Variants in SPOP observed in about 807,000 individuals in gnomAD.
The protein encoded by SPOP is speckle-type POZ protein.
In SPOP, 11 loss-of-function variants were observed where a neutral mutation model predicts 45.6. That is an observed-to-expected ratio of 0.24 (90% confidence interval 0.15 to 0.40). SPOP has a LOEUF of 0.40. Among genes scored for constraint, SPOP ranks in the 10% least tolerant of loss-of-function variants. SPOP has a pLI of 1.00. For missense variants in SPOP, 152 were observed against 465.6 expected (o/e 0.33, Z 6.20); for synonymous variants, 166 against 166.3 (o/e 1.00, Z 0.01).
intron 1 of SPOP, among the ~76,000 whole-genome samples, chr17:49,650,788 A>C (rs1335142990): frequency 2.0e-5 from 3 of 152,072 alleles, no homozygotes; most frequent in South Asian, 2.1e-4. Context: ...AGTTCTAAAT[A>C]CTCTTTGTGG....
intron 6 of SPOP, among the ~76,000 whole-genome samples, chr17:49,609,140 C>T (rs2071914652): frequency 6.6e-6 from 1 of 152,202 alleles, no homozygotes; most frequent in South Asian, 2.1e-4. Context: ...AACTCCTGAC[C>T]TCAAGTCATC....
chr17:49,606,257 G>A (rs968260006), intron 8 of SPOP, among the ~76,000 whole-genome samples: 1 of 152,000 alleles, frequency 6.6e-6, no homozygotes, highest in South Asian at 2.1e-4. Flanking sequence ...GGGCTCAAGT[G>A]ATCCTCCCAC....
At chr17:49,628,723 C>T (rs778611501) in intron 1 of SPOP, among the ~76,000 whole-genome samples, 21 of 152,138 alleles carry the variant, frequency 1.4e-4, no homozygotes, top group South Asian at 6.2e-4. Flanking sequence ...CACTCTGGTC[C>T]CAAGCATTTC....
intron 1 of SPOP, among the ~76,000 whole-genome samples, chr17:49,634,434 C>T (rs2072506981): frequency 6.6e-6 from 1 of 152,200 alleles, no homozygotes; most frequent in Non-Finnish European, 1.5e-5. Flanking sequence ...CAGGGAAAAG[C>T]CCTATGGTAA....
At chr17:49,622,563 C>A in intron 2 of SPOP, 170 bp downstream of exon 2, 2 of 619,572 alleles carry the variant, frequency 3.2e-6, no homozygotes, top group Non-Finnish European at 5.7e-6. Flanking sequence ...AATTTAGATT[C>A]CACATGGAAA....
chr17:49,609,242 G>A (rs2071916560), intron 6 of SPOP, among the ~76,000 whole-genome samples: 1 of 152,122 alleles, frequency 6.6e-6, no homozygotes, highest in African/African-American at 2.4e-5. Context: ...ATATTCTTGG[G>A]CAAATCACTT....
At chr17:49,649,778 G>A (rs1256353261) in intron 1 of SPOP, among the ~76,000 whole-genome samples, 3 of 149,438 alleles carry the variant, frequency 2.0e-5, no homozygotes, top group Non-Finnish European at 4.5e-5. Context: ...GCAGTGAGCC[G>A]ACATTGAGCC....
intron 1 of SPOP, among the ~76,000 whole-genome samples, chr17:49,665,023 T>C (rs2073035021): frequency 6.6e-6 from 1 of 152,194 alleles, no homozygotes; most frequent in South Asian, 2.1e-4. Flanking sequence ...TTTGAATAGG[T>C]TTCATTTCCT....
intron 1 of SPOP, among the ~76,000 whole-genome samples, chr17:49,676,431 T>G (rs2073200246): frequency 6.6e-6 from 1 of 152,096 alleles, no homozygotes; most frequent in Admixed American, 6.5e-5. Context: ...GGGCCAGGGT[T>G]AAAAGGGGAA....
intron 1 of SPOP, among the ~76,000 whole-genome samples, chr17:49,632,018 A>G (rs533031304): frequency 6.6e-6 from 1 of 152,196 alleles, no homozygotes; most frequent in African/African-American, 2.4e-5. Context: ...GCTCAACGAG[A>G]ATAGTATCCC....
chr17:49,605,003 T>A (rs965184197), intron 8 of SPOP, among the ~76,000 whole-genome samples: 1 of 152,190 alleles, frequency 6.6e-6, no homozygotes. Context: ...AGATAGCAAC[T>A]ATTTGTCTTG....
intron 1 of SPOP, among the ~76,000 whole-genome samples, chr17:49,677,595 C>A (rs1396339438): frequency 6.6e-6 from 1 of 152,088 alleles, no homozygotes; most frequent in Non-Finnish European, 1.5e-5. Flanking sequence ...AAGAAGCAGC[C>A]CGAGCGCGTT....
At chr17:49,605,645 G>A (rs2071826545) in intron 8 of SPOP, among the ~76,000 whole-genome samples, 1 of 151,636 alleles carries the variant, frequency 6.6e-6, no homozygotes, top group Non-Finnish European at 1.5e-5. Context: ...AGCCGAGATT[G>A]TGCCACTGCA....
At position 49,600,476 on chromosome 17, in the gene SPOP, C is replaced by T. The variant is rs1030014457; in HGVS notation, c.1027G>A (p.Val343Met). ...TCAGCCACCAAGTGGGGATGTGACA[C>T]CACCATTGACTTCCACCCAGAGGTC... ...LETSGWKSMV[V>M]SHPHLVAEAY... Residue 343 changes from valine to methionine, a missense_variant, in exon 10 of 10, where the codon GTG (valine) becomes ATG (methionine). By Grantham distance (21) the Val-to-Met change is conservative. Around this residue, in one of 3 missense-constraint regions of SPOP, gnomAD observed 106 missense variants for 255.2 expected, o/e 0.42. Transcript: ENST00000504102. The surrounding 1 kb of genome is among the most constrained non-coding windows in gnomAD (Gnocchi z 4.2). The T allele has an allele frequency of 6.2e-7, 1 of 1,614,092 alleles. No homozygotes were observed. Among genetic ancestry groups the T allele is most frequent in the Admixed American group, 1.7e-5 (1 of 60,016 alleles).
At chr17:49,621,860 A>T (rs2072226773) in intron 3 of SPOP, 86 bp downstream of exon 3, 1 of 1,470,092 alleles carries the variant, frequency 6.8e-7, no homozygotes, top group Non-Finnish European at 9.4e-7. Flanking sequence ...CCTTCATGGA[A>T]ATTACATTCT....
At chr17:49,632,851 A>G (rs1291906519) in intron 1 of SPOP, among the ~76,000 whole-genome samples, 6 of 152,228 alleles carry the variant, frequency 3.9e-5, no homozygotes, top group African/African-American at 1.2e-4. Context: ...TATTTGATCT[A>G]TTGTTTTTGT....
intron 1 of SPOP, among the ~76,000 whole-genome samples, chr17:49,642,471 G>T (rs898616245): frequency 6.6e-6 from 1 of 152,082 alleles, no homozygotes; most frequent in African/African-American, 2.4e-5. Flanking sequence ...CAGCCTGGGT[G>T]ACAGAGTGAG....
chr17:49,650,477 G>A (rs943845458), intron 1 of SPOP, among the ~76,000 whole-genome samples: 5 of 152,272 alleles, frequency 3.3e-5, no homozygotes, highest in African/African-American at 1.2e-4. Flanking sequence ...CTACTCGGGA[G>A]GCTGAGGCAG....
At chr17:49,623,140 C>A (rs2072254584) in intron 1 of SPOP, among the ~76,000 whole-genome samples, 2 of 152,072 alleles carry the variant, frequency 1.3e-5, no homozygotes, top group Admixed American at 6.5e-5. Flanking sequence ...TCCCGAGTAG[C>A]TGGGATTACA....
Sources: gnomAD v4.1 joint callset for allele counts (sites outside exome capture counted in the v4.1 genomes callset) on GRCh38, gnomAD v4.1.1 for gene constraint, gnomAD v4.1.1 regional missense constraint, Gnocchi (gnomAD v3.1) non-coding constraint, MANE v1.5 for transcripts, NCBI Gene and HGNC (gene_info 2026-07-23, HGNC 2026-07-21) for gene names.